The following VPS13D variants were observed in gnomAD, a reference collection of about 807,000 sequenced individuals.
The protein encoded by VPS13D is vacuolar protein sorting 13 homolog D.
In VPS13D, 187 loss-of-function variants were observed where a neutral mutation model predicts 461.9. The observed-to-expected ratio is 0.40, with a 90% CI of 0.36 to 0.46. The LOEUF (loss-of-function observed/expected upper bound fraction) is 0.46. Ranked by LOEUF, VPS13D falls within the 20% of genes least tolerant of loss-of-function variation. The probability of loss-of-function intolerance (pLI) is 0.60; values close to 1 mark genes in which losing one functional copy is unlikely to be tolerated. For synonymous variants in VPS13D, 1,951 were observed against 1,986.3 expected (o/e 0.98, Z 0.47); for missense variants, 4,711 against 5,364.9 (o/e 0.88, Z 3.81).
intron 65 of VPS13D, among the ~76,000 whole-genome samples, chr1:12,419,582 A>G (rs1436325662): frequency 2.0e-5 from 3 of 152,162 alleles, no homozygotes; most frequent in Admixed American, 6.5e-5. Context: ...AGCAAGGGAA[A>G]GAAGGGGGAG....
rs762550679 is a variant in VPS13D, at chr1:12,275,811, T to C, written c.2237-14T>C. 1.3e-6 allele frequency: 2 copies of C among 1,547,836 alleles called. No homozygotes were observed. The highest frequency in any genetic ancestry group is 1.7e-6 in the Non-Finnish European group (2 of 1,150,162). On this transcript the variant is annotated splice_polypyrimidine_tract_variant and intron_variant, in intron 18 of 69. Coordinates refer to ENST00000620676, the MANE Select transcript of VPS13D (RefSeq NM_015378.4). ...AGCAGACATATATTTGAATCTTCTT[T>C]TTTTTATCTTCAGATAACTCCAGGA...
intron 7 of VPS13D, among the ~76,000 whole-genome samples, chr1:12,255,019 C>T (rs1640870312): frequency 6.6e-6 from 1 of 151,776 alleles, no homozygotes; most frequent in African/African-American, 2.4e-5. Context: ...GATCTTGGCT[C>T]ACTGCAACCT....
At chr1:12,230,657 C>T (rs553290281) in intron 1 of VPS13D, among the ~76,000 whole-genome samples, 2 of 152,264 alleles carry the variant, frequency 1.3e-5, no homozygotes, top group South Asian at 4.1e-4. Flanking sequence ...CACACTCTCG[C>T]GTGGAGACAT....
At chr1:12,429,010 G>A (rs1249155195) in intron 65 of VPS13D, among the ~76,000 whole-genome samples, 2 of 152,118 alleles carry the variant, frequency 1.3e-5, no homozygotes, top group East Asian at 3.9e-4. Context: ...CCTCAAGGAT[G>A]AGATTGGCTG....
chr1:12,275,479 ACT>A (rs1157429861), intron 18 of VPS13D, among the ~76,000 whole-genome samples: 1 of 151,834 alleles, frequency 6.6e-6, no homozygotes, highest in Non-Finnish European at 1.5e-5. Flanking sequence ...GAAATAAAAG[ACT>A]CTAGAGAGGG....
intron 65 of VPS13D, among the ~76,000 whole-genome samples, chr1:12,436,890 A>G (rs1351819332): frequency 6.6e-6 from 1 of 151,892 alleles, no homozygotes; most frequent in Non-Finnish European, 1.5e-5. Flanking sequence ...CTGGTCTCGA[A>G]CTCCCGACCT....
At chr1:12,320,236 G>T (rs1317573335) in intron 32 of VPS13D, among the ~76,000 whole-genome samples, 1 of 152,192 alleles carries the variant, frequency 6.6e-6, no homozygotes, top group Non-Finnish European at 1.5e-5. Flanking sequence ...TTGTAGCTCG[G>T]AAATGTCATT....
At chr1:12,370,160 A>AT (rs1644096742) in intron 54 of VPS13D, among the ~76,000 whole-genome samples, 1 of 152,350 alleles carries the variant, frequency 6.6e-6, no homozygotes, top group East Asian at 1.9e-4. Flanking sequence ...CAGAAATTCC[A>AT]TTGCCTTAGA....
At chr1:12,488,091 G>A (rs771926065) in intron 67 of VPS13D, among the ~76,000 whole-genome samples, 7 of 152,186 alleles carry the variant, frequency 4.6e-5, no homozygotes, top group Non-Finnish European at 8.8e-5. Context: ...GTACCCACAT[G>A]GGGTGTGCTC....
At chr1:12,289,326 ATCCACTTTG>A (rs1311178090) in intron 22 of VPS13D, among the ~76,000 whole-genome samples, 2 of 150,464 alleles carry the variant, frequency 1.3e-5, no homozygotes, top group African/African-American at 4.9e-5. Flanking sequence ...CAAACCATCC[ATCCACTTTG>A]GCCTCCCAAA....
At chr1:12,311,327 T>G (rs1478364793) in intron 27 of VPS13D, 127 bp from the exon 28 acceptor site, 2 of 800,802 alleles carry the variant, frequency 2.5e-6, no homozygotes. Flanking sequence ...ATTTTTGTCA[T>G]TGGAAGTAGG....
intron 2 of VPS13D, among the ~76,000 whole-genome samples, chr1:12,240,551 C>T (rs991095616): frequency 2.8e-5 from 4 of 144,150 alleles, no homozygotes; most frequent in African/African-American, 5.2e-5. Flanking sequence ...GCCGAGATCG[C>T]GCCATTGCCC....
intron 67 of VPS13D, among the ~76,000 whole-genome samples, chr1:12,462,016 A>G (rs1185674398): frequency 6.6e-6 from 1 of 152,230 alleles, no homozygotes; most frequent in African/African-American, 2.4e-5. Context: ...TCTGTCAGCC[A>G]GTACATAGCT....
intron 67 of VPS13D, among the ~76,000 whole-genome samples, chr1:12,489,151 G>A (rs1645842896): frequency 6.6e-6 from 1 of 152,148 alleles, no homozygotes; most frequent in Non-Finnish European, 1.5e-5. Context: ...TTAACAGGTA[G>A]TCTCGCCCCT....
At chr1:12,341,961 T>C (rs553384574) in intron 41 of VPS13D, 76 bp downstream of exon 41, 1 of 1,393,480 alleles carries the variant, frequency 7.2e-7, no homozygotes, top group East Asian at 2.3e-5. Context: ...TAGAGCAAGG[T>C]GGGCCCCCTC....
intron 23 of VPS13D, among the ~76,000 whole-genome samples, chr1:12,292,262 C>CAAAA (rs766212937): frequency 1.1e-3 from 14 of 12,240 alleles, no homozygotes; most frequent in African/African-American, 4.3e-3. Context: ...AACTCCATCT[C>CAAAA]AAAAAAAAAA....
At chr1:12,504,664 T>A (rs989606205) in intron 68 of VPS13D, among the ~76,000 whole-genome samples, 1 of 152,246 alleles carries the variant, frequency 6.6e-6, no homozygotes, top group Non-Finnish European at 1.5e-5. Context: ...CAGCTCGGCC[T>A]GTGTTTCCTT....
chr1:12,404,364 T>A (rs1237305015), intron 63 of VPS13D, among the ~76,000 whole-genome samples: 1 of 152,194 alleles, frequency 6.6e-6, no homozygotes, highest in Non-Finnish European at 1.5e-5. Context: ...CTTCTTTTTG[T>A]GCCCGAGGCC....
At chr1:12,268,664 T>A (rs1201907607) in intron 15 of VPS13D, 42 bp from the exon 16 acceptor site, 3 of 1,583,562 alleles carry the variant, frequency 1.9e-6, no homozygotes, top group Non-Finnish European at 2.6e-6. Context: ...AGGCTATAGT[T>A]TTTGCCTTGT....
Sources: gnomAD v4.1 joint callset for allele counts (sites outside exome capture counted in the v4.1 genomes callset) on GRCh38, gnomAD v4.1.1 for gene constraint, MANE v1.5 for transcripts, NCBI Gene and HGNC (gene_info 2026-07-23, HGNC 2026-07-21) for gene names.